The following NFKBID variants were observed in gnomAD, a reference collection of about 807,000 sequenced individuals.
The protein encoded by NFKBID is NFKB inhibitor delta.
NFKBID carries 26 observed loss-of-function variants against 53.4 expected under a neutral mutation model. The observed-to-expected ratio is 0.49, with a 90% CI of 0.36 to 0.68. The LOEUF is 0.68. Ranked by LOEUF, NFKBID falls within the 30% of genes least tolerant of loss-of-function variation. The probability of loss-of-function intolerance (pLI) is 0.00; values close to 1 mark genes in which losing one functional copy is unlikely to be tolerated. For missense variants in NFKBID, 493 were observed against 614.1 expected (o/e 0.80, Z 2.08); for synonymous variants, 262 against 259.8 (o/e 1.01, Z -0.08).
At chr19:35,898,651 C>T in intron 2 of NFKBID, 68 bp downstream of exon 2, 1 of 1,460,508 alleles carries the variant, frequency 6.8e-7, no homozygotes, top group Middle Eastern at 1.7e-4. Flanking sequence ...CCCCGAGGGC[C>T]CGGCAAGCCG....
In NFKBID at chr19:35,896,364, C is replaced by T. The variant is rs1424530338; in HGVS notation, c.831+28G>A. The stretch of plus-strand genomic sequence containing the variant: ...CTGGGCAACCAGTCTACCCCCCAGA[C>T]AAACCCCTGCCTGCCAGCTGGCCAT... On this transcript the variant is annotated intron_variant, in intron 7 of 11. Transcript: ENST00000641389. The surrounding 1 kb of genome is among the most constrained non-coding windows in gnomAD (Gnocchi z 5.7). 6.2e-7 allele frequency: 1 copy of T among 1,614,106 alleles called. No individual in the cohort carries two copies. The highest frequency in any genetic ancestry group is 8.5e-7 in the Non-Finnish European group (1 of 1,179,974).
At chr19:35,888,199 G>C (rs1974521384), downstream of NFKBID, 1 of 230,526 alleles carries the variant, frequency 4.3e-6, no homozygotes, top group Non-Finnish European at 8.7e-6. Flanking sequence ...GATGCCCCAA[G>C]CACCACGTAG....
At chr19:35,888,296 C>T in exon 12 of NFKBID, 1 of 493,354 alleles carries the variant, frequency 2.0e-6, no homozygotes, top group Non-Finnish European at 3.7e-6. Context: ...ACTAGGGGTG[C>T]AGGGTGTTTC....
chr19:35,893,133 C>T (rs1348336984), intron 9 of NFKBID, among the ~76,000 whole-genome samples: 1 of 152,186 alleles, frequency 6.6e-6, no homozygotes, highest in South Asian at 2.1e-4. Context: ...CGCACCACAG[C>T]ACTCCAGCCT....
intron 4 of NFKBID, chr19:35,897,411 C>T (rs1250325092): frequency 3.4e-6 from 2 of 581,442 alleles, no homozygotes; most frequent in Non-Finnish European, 6.1e-6. Flanking sequence ...TGCGCCACTA[C>T]ACCCAGCTAA....
At chr19:35,890,347 T>C (rs747334512) in intron 10 of NFKBID, 27 bp downstream of exon 10, 2 of 1,341,302 alleles carry the variant, frequency 1.5e-6, no homozygotes, top group East Asian at 5.2e-5. Context: ...CCCCACACAA[T>C]CTGCACTTCC....
rs537535858 is a variant in NFKBID, at chr19:35,889,045, C to CA, written c.1315-434dup. Reference sequence around the variant, plus strand: ...GGGTGACAAAGCAAGACTCCGCCTCCAAAAAAAAAAAAAAGATTTGGGAAG... The same window carrying CA: ...GGGTGACAAAGCAAGACTCCGCCTCCAAAAAAAAAAAAAAAGATTTGGGAAG... On this transcript the variant is annotated intron_variant, in intron 11 of 11. Coordinates refer to ENST00000641389, the Ensembl canonical transcript of NFKBID. Among the ~76,000 whole-genome samples the CA allele has an allele frequency of 5.9e-3, 627 of 105,752 alleles. 5 individuals are homozygous for CA. Among genetic ancestry groups the CA allele is most frequent in the African/African-American group, 0.014 (465 of 32,112 alleles). 69.4% of individuals were successfully genotyped at this position (105,752 alleles called of 152,430 possible). A position where few individuals can be genotyped will look rare whatever the true frequency, so the allele number is the denominator to read the frequency against.
chr19:35,891,656 G>T (rs1974773657), intron 9 of NFKBID, among the ~76,000 whole-genome samples: 1 of 152,060 alleles, frequency 6.6e-6, no homozygotes, highest in African/African-American at 2.4e-5. Context: ...ATCACTTGAG[G>T]TCAAGAGTTC....
chr19:35,900,081 C>A (rs7257909), intron 1 of NFKBID, among the ~76,000 whole-genome samples: 1 of 59,848 alleles, frequency 1.7e-5, no homozygotes, highest in African/African-American at 5.4e-5. Context: ...CACGCCCCCC[C>A]CCCCCCCCCC....
intron 1 of NFKBID, among the ~76,000 whole-genome samples, chr19:35,900,193 C>A (rs1184610573): frequency 1.3e-5 from 2 of 150,984 alleles, no homozygotes; most frequent in African/African-American, 4.9e-5. Context: ...AGCCTCCCAG[C>A]CCTTGCACCC....
intron 11 of NFKBID, among the ~76,000 whole-genome samples, chr19:35,889,606 A>G (rs985540675): frequency 3.3e-5 from 5 of 151,856 alleles, no homozygotes; most frequent in Admixed American, 1.3e-4. Context: ...ACTTGGGGGG[A>G]TCAAAGGTCA....
intron 11 of NFKBID, among the ~76,000 whole-genome samples, chr19:35,889,215 G>T (rs376315775): frequency 2.6e-5 from 4 of 151,648 alleles, no homozygotes; most frequent in Admixed American, 2.6e-4. Context: ...AATTAGCTGG[G>T]TGTGGTGGTG....
intron 9 of NFKBID, among the ~76,000 whole-genome samples, chr19:35,893,818 C>CA (rs879299060): frequency 0.011 from 910 of 86,366 alleles, 10 homozygotes; most frequent in East Asian, 0.027. Context: ...AGAGCCATCT[C>CA]AAAAAAAAAA....
chr19:35,889,935 A>G lies in NFKBID; in HGVS notation c.1269T>C (p.Asn423=), dbSNP rs1974640070. 3.7e-6 allele frequency: 6 copies of G among 1,611,824 alleles called. No homozygotes were observed. In the East Asian group the frequency reaches 8.9e-5, roughly 24 times the overall value. ...GCCGCAGCAGGTGAACGGGCTGCTC[A>G]TTCTCCAGGTTGCGCAGTGTGGGGT... The change falls in exon 11 of 12, where the codon AAT becomes AAC. Residue 423 remains asparagine, a synonymous_variant. Coordinates refer to ENST00000641389, the Ensembl canonical transcript of NFKBID.
chr19:35,902,148 G>T, upstream of NFKBID: 1 of 702,838 alleles, frequency 1.4e-6, no homozygotes, highest in Non-Finnish European at 2.6e-6. Context: ...TTCCAACCCT[G>T]TATGCCCAAA....
chr19:35,897,686 G>T, exon 4 of NFKBID: 2 of 1,608,572 alleles, frequency 1.2e-6, no homozygotes, highest in Non-Finnish European at 1.7e-6. Flanking sequence ...GGCTGCCCTG[G>T]GTCCGAGGGT....
chr19:35,902,275 C>G (rs1313366740), upstream of NFKBID: 4 of 706,516 alleles, frequency 5.7e-6, no homozygotes, highest in Non-Finnish European at 1.0e-5. Context: ...CTCTCAAACA[C>G]ACCCACATTC....
intron 3 of NFKBID, 103 bp from the exon 4 acceptor site, chr19:35,897,959 T>C: frequency 1.3e-6 from 1 of 769,010 alleles, no homozygotes; most frequent in East Asian, 2.7e-5. Flanking sequence ...TGAGAGTTAG[T>C]ACTTCTGGGA....
chr19:35,889,675 G>T (rs946303991), intron 11 of NFKBID, among the ~76,000 whole-genome samples: 1 of 152,176 alleles, frequency 6.6e-6, no homozygotes, highest in African/African-American at 2.4e-5. Context: ...TGAGGTCAGG[G>T]TTGGGGTAGA....
Sources: gnomAD v4.1 joint callset for allele counts (sites outside exome capture counted in the v4.1 genomes callset) on GRCh38, gnomAD v4.1.1 for gene constraint, Gnocchi (gnomAD v3.1) non-coding constraint, MANE v1.5 for transcripts, NCBI Gene and HGNC (gene_info 2026-07-23, HGNC 2026-07-21) for gene names.